NXPE4: variants seen among roughly 807,000 people sequenced by gnomAD.
NXPE4 encodes neurexophilin and PC-esterase domain family member 4, also known as NXPE family member 4.
NXPE4 carries 42 observed loss-of-function variants against 33.3 expected under a neutral mutation model. The ratio of observed to expected loss-of-function variants is 1.26; its 90% CI spans 0.98 to 1.63. The LOEUF (loss-of-function observed/expected upper bound fraction) is 1.63, where lower values mean the gene tolerates loss of function less well. NXPE4 is among the 40% of genes most tolerant of loss of function. The pLI, the probability that NXPE4 is intolerant of heterozygous loss-of-function variation, is 0.00. For missense variants in NXPE4, 709 were observed against 647.6 expected, an observed-to-expected ratio of 1.09 and a Z score of -1.03; for synonymous variants, 253 against 234.9, an observed-to-expected ratio of 1.08 and a Z score of -0.71.
the NXPE4 span, among the ~76,000 whole-genome samples, chr11:114,638,719 T>A: frequency 2.6e-5 from 4 of 152,170 alleles, no homozygotes; most frequent in African/African-American, 9.6e-5. Flanking sequence ...TGGTGTTTGC[T>A]AGAAGTCTAC....
the NXPE4 span, among the ~76,000 whole-genome samples, chr11:114,659,574 A>AC: frequency 6.6e-6 from 1 of 152,158 alleles, no homozygotes; most frequent in South Asian, 2.1e-4. Context: ...CTTCTACATA[A>AC]TTCAAGGGAC....
chr11:114,607,637 C>T, the NXPE4 span, among the ~76,000 whole-genome samples: 1 of 150,212 alleles, frequency 6.7e-6, no homozygotes, highest in Non-Finnish European at 1.5e-5. Flanking sequence ...TAAGTGTTGC[C>T]TCGCGGTTAA....
At position 114,575,050 on chromosome 11, in the gene NXPE4, A is replaced by G. The variant is rs373334991; in HGVS notation, c.1100-3577T>C. Among the ~76,000 whole-genome samples, 4 of 152,184 alleles carry G rather than the reference A, an allele frequency of 2.6e-5. No homozygotes were observed. The East Asian group carries it at 5.8e-4, about 22-fold the overall frequency. ...GGGATGGCTTAACATACGTAAGTCA[A>G]TAAATGTGATACACCATATAAATAG... On this transcript the variant is annotated intron_variant, in intron 5 of 5. Transcript: ENST00000375478.
upstream of NXPE4, among the ~76,000 whole-genome samples, chr11:114,599,947 T>C (rs1949619026): frequency 6.6e-6 from 1 of 152,090 alleles, no homozygotes; most frequent in Non-Finnish European, 1.5e-5. Flanking sequence ...TGAGTTCATA[T>C]CTATACAAGT....
chr11:114,667,474 G>T, the NXPE4 span, among the ~76,000 whole-genome samples: 9 of 151,254 alleles, frequency 6.0e-5, no homozygotes, highest in Non-Finnish European at 1.0e-4. Context: ...CACCCTCAAA[G>T]AAGTGGAACC....
In NXPE4 at chr11:114,583,452, A is replaced by G. The variant is rs548727193; in HGVS notation, c.97-431T>C. ...GCCAATGCTGAGGAGATGACCAAGT[A>G]CCACAGTGATGACTACATTAAATTC... On this transcript the variant is annotated intron_variant, in intron 2 of 5. Coordinates refer to ENST00000375478, the MANE Select transcript of NXPE4 (RefSeq NM_001077639.2). 9.0e-6 allele frequency: 6 copies of G among 667,478 alleles called. No individual in the cohort carries two copies. In the East Asian group the frequency reaches 2.0e-4, roughly 22 times the overall value. 41.3% of individuals were successfully genotyped at this position (667,478 alleles called of 1,614,324 possible).
chr11:114,632,231 AAT>A, the NXPE4 span, among the ~76,000 whole-genome samples: 1 of 140,612 alleles, frequency 7.1e-6, no homozygotes, highest in Non-Finnish European at 1.5e-5. Context: ...ATATATGTAT[AAT>A]ATATATGTAT....
At chr11:114,613,145 G>A in the NXPE4 span, among the ~76,000 whole-genome samples, 1,842 of 149,048 alleles carry the variant, frequency 0.012, 61 homozygotes, top group African/African-American at 0.043. Flanking sequence ...CTGCCTCATA[G>A]ATAACGACTG....
the NXPE4 span, among the ~76,000 whole-genome samples, chr11:114,623,760 T>A: frequency 6.6e-6 from 1 of 152,150 alleles, no homozygotes; most frequent in African/African-American, 2.4e-5. Flanking sequence ...TGGTGGATAA[T>A]ACATGTTGCC....
chr11:114,639,364 G>C, the NXPE4 span, among the ~76,000 whole-genome samples: 3 of 150,870 alleles, frequency 2.0e-5, no homozygotes, highest in African/African-American at 4.9e-5. Context: ...TCCAGGTGCC[G>C]TCTGTTACCC....
the NXPE4 span, among the ~76,000 whole-genome samples, chr11:114,644,851 G>C: frequency 6.6e-6 from 1 of 151,926 alleles, no homozygotes; most frequent in Non-Finnish European, 1.5e-5. Flanking sequence ...AATTAAGACA[G>C]TGTAGCATTT....
the NXPE4 span, among the ~76,000 whole-genome samples, chr11:114,653,095 T>C: frequency 2.0e-5 from 3 of 152,334 alleles, no homozygotes; most frequent in African/African-American, 7.2e-5. Context: ...TGTATAAATT[T>C]TCAAAACAAG....
the NXPE4 span, among the ~76,000 whole-genome samples, chr11:114,627,170 G>C: frequency 6.6e-6 from 1 of 151,940 alleles, no homozygotes; most frequent in African/African-American, 2.4e-5. Flanking sequence ...TACAGAGAAC[G>C]CCACAAAGAT....
At chr11:114,586,849 C>T (rs368783867) in intron 2 of NXPE4, among the ~76,000 whole-genome samples, 166 of 152,238 alleles carry the variant, frequency 1.1e-3, no homozygotes, top group African/African-American at 3.6e-3. Flanking sequence ...TTTTACAGTT[C>T]GGTGAAGTAA....
rs773053522 is a variant in NXPE4 at position 114,582,658 on chromosome 11, T to A, written c.460A>T (p.Lys154Ter). 32 of 1,614,178 alleles carry A rather than the reference T, an allele frequency of 2.0e-5. No homozygotes were observed. Among genetic ancestry groups the A allele is most frequent in the Non-Finnish European group, 2.7e-5 (32 of 1,180,010 alleles). ...SPALMAGASG[K>*]VTDFNNGTYL... Reference sequence around the variant, plus strand: ...GTGCCGTTGTTGAAGTCAGTCACCTTTCCTGAAGCACCTGCCATCAGCGCT... The same window carrying A: ...GTGCCGTTGTTGAAGTCAGTCACCTATCCTGAAGCACCTGCCATCAGCGCT... The change falls in exon 3 of 6, where the codon AAG becomes TAG. Residue 154 changes from lysine (K) to a stop codon, truncating the protein, a stop_gained. Coordinates refer to ENST00000375478, the MANE Select transcript of NXPE4 (RefSeq NM_001077639.2). LOFTEE classifies it high-confidence loss of function.
the NXPE4 span, among the ~76,000 whole-genome samples, chr11:114,645,146 A>T: frequency 1.3e-5 from 2 of 152,132 alleles, no homozygotes; most frequent in South Asian, 4.1e-4. Flanking sequence ...TACTAAAAAT[A>T]CAAAAATTAG....
chr11:114,659,484 C>T, the NXPE4 span, among the ~76,000 whole-genome samples: 1 of 151,428 alleles, frequency 6.6e-6, no homozygotes, highest in South Asian at 2.1e-4. Flanking sequence ...ACAGATTACC[C>T]TAGAGATGTG....
At chr11:114,607,621 G>A in the NXPE4 span, among the ~76,000 whole-genome samples, 201 of 151,252 alleles carry the variant, frequency 1.3e-3, no homozygotes, top group African/African-American at 4.1e-3. Context: ...AGTGTTACCC[G>A]GTGGATAAGT....
the NXPE4 span, among the ~76,000 whole-genome samples, chr11:114,638,559 C>G: frequency 6.6e-6 from 1 of 151,880 alleles, no homozygotes; most frequent in East Asian, 1.9e-4. Flanking sequence ...TAGAGTTTCC[C>G]GTTTTTCTGC....
Sources: gnomAD v4.1 joint callset for allele counts (sites outside exome capture counted in the v4.1 genomes callset) on GRCh38, gnomAD v4.1.1 for gene constraint, MANE v1.5 for transcripts, NCBI Gene and HGNC (gene_info 2026-07-23, HGNC 2026-07-21) for gene names.